The following BRWD1 variants were observed in gnomAD, a reference collection of about 807,000 sequenced individuals.
BRWD1 encodes bromodomain and WD repeat domain containing 1, also known as bromodomain and WD repeat-containing protein 1.
BRWD1 carries 82 observed loss-of-function variants against 251.2 expected under a neutral mutation model. The ratio of observed to expected loss-of-function variants is 0.33; its 90% CI spans 0.27 to 0.39. The LOEUF is 0.39. Ranked by LOEUF, BRWD1 falls within the 10% of genes least tolerant of loss-of-function variation. The pLI, the probability that BRWD1 is intolerant of heterozygous loss-of-function variation, is 1.00. For synonymous variants in BRWD1, 918 were observed against 902.8 expected (o/e 1.02, Z -0.30); for missense variants, 2,233 against 2,711.6 (o/e 0.82, Z 3.92).
intron 4 of BRWD1, among the ~76,000 whole-genome samples, chr21:39,299,352 T>A (rs1262866521): frequency 2.0e-5 from 3 of 152,174 alleles, no homozygotes; most frequent in Admixed American, 1.3e-4. Flanking sequence ...TCATTTAGTA[T>A]CTAAATCATG....
Position 39,199,087 on chromosome 21 carries a change from T to C in BRWD1, c.5329A>G (p.Thr1777Ala), listed in dbSNP as rs1327525281. Reference sequence around the variant, plus strand: ...TCTGCCTTAAGTTTCTGCACAGACGTTGATGGGCCAGCAGTTCTGTTACAT... The same window carrying C: ...TCTGCCTTAAGTTTCTGCACAGACGCTGATGGGCCAGCAGTTCTGTTACAT... ...HACNRTAGPS[T>A]SVQKLKAESI... is the part of the protein sequence containing the mutation. Residue 1777 changes from threonine (T) to alanine (A), a missense_variant, in exon 40 of 41, where the codon ACG becomes GCG. By Grantham distance (58) the Thr-to-Ala change is moderately conservative. Coordinates refer to ENST00000342449, the MANE Select transcript of BRWD1 (RefSeq NM_033656.4). 8 of 1,614,008 alleles carry C rather than the reference T, an allele frequency of 5.0e-6. No homozygotes were observed. Among genetic ancestry groups the C allele is most frequent in the Non-Finnish European group, 5.9e-6 (7 of 1,180,024 alleles).
intron 27 of BRWD1, among the ~76,000 whole-genome samples, chr21:39,227,527 G>A (rs1408796890): frequency 6.6e-6 from 1 of 151,838 alleles, no homozygotes; most frequent in Non-Finnish European, 1.5e-5. Flanking sequence ...AATCACATTC[G>A]AGTAATTTAG....
At position 39,312,833 on chromosome 21, in the gene BRWD1, A is replaced by C; in HGVS notation, c.198+8T>G. On this transcript the variant is annotated splice_region_variant and intron_variant, in intron 4 of 40. Transcript: ENST00000342449. ...AAAACCCGGGGAGCAAACGTGCCCA[A>C]TGCTCACCAACTCCTCGTAGCTCCT... The C allele has an allele frequency of 6.3e-7, 1 of 1,579,942 alleles. No individual in the cohort carries two copies. Among genetic ancestry groups the C allele is most frequent in the Non-Finnish European group, 8.6e-7 (1 of 1,162,856 alleles).
chr21:39,250,031 G>T (rs1301397865), intron 20 of BRWD1, among the ~76,000 whole-genome samples: 1 of 151,642 alleles, frequency 6.6e-6, no homozygotes. Flanking sequence ...GGAAGGTTTA[G>T]CAAGTAAGCA....
At chr21:39,278,713 A>AG in intron 10 of BRWD1, 30 bp downstream of exon 10, 1 of 1,520,836 alleles carries the variant, frequency 6.6e-7, no homozygotes, top group Non-Finnish European at 8.8e-7. Flanking sequence ...AAAAAAAAAA[A>AG]CTAAGAAAAA....
chr21:39,207,426 C>CA (rs796927190), intron 36 of BRWD1, among the ~76,000 whole-genome samples: 2,286 of 70,646 alleles, frequency 0.032, 73 homozygotes, highest in African/African-American at 0.11. Flanking sequence ...GAGACAGGCT[C>CA]AAAAAAAAAA....
intron 22 of BRWD1, 93 bp downstream of exon 22, chr21:39,238,386 G>T: frequency 1.0e-6 from 1 of 962,762 alleles, no homozygotes; most frequent in Non-Finnish European, 1.6e-6. Flanking sequence ...TTCCACAGTT[G>T]CAAATTCTTG....
At position 39,186,224 on chromosome 21, in the gene BRWD1, G is replaced by A. The variant is rs2031224447; in HGVS notation, c.*10035C>T. On this transcript the variant is annotated 3_prime_UTR_variant, in exon 41 of 41. Transcript: ENST00000342449. ...TGCCTCTTAATGAGGCACATTTTTG[G>A]CATTTCTGTAAATGCTGCTACATAC... 6.6e-6 allele frequency: 1 copy of A among 151,894 alleles called. No individual in the cohort carries two copies. Among genetic ancestry groups the A allele is most frequent in the Admixed American group, 6.6e-5 (1 of 15,258 alleles). The allele number at this position is 151,894 out of a possible 1,614,324, so 9.4% of individuals were successfully genotyped here.
chr21:39,314,226 G>T (rs2036639776), upstream of BRWD1: 3 of 455,550 alleles, frequency 6.6e-6, no homozygotes, highest in South Asian at 1.6e-5. Flanking sequence ...CGCGCTCCTG[G>T]GGCGGGGGCC....
intron 15 of BRWD1, among the ~76,000 whole-genome samples, chr21:39,268,091 A>C (rs1286209369): frequency 2.0e-5 from 3 of 152,190 alleles, no homozygotes; most frequent in Non-Finnish European, 4.4e-5. Flanking sequence ...ATGCCATTGG[A>C]AAATCTTCAA....
At chr21:39,221,393 C>T (rs1283032319) in intron 29 of BRWD1, among the ~76,000 whole-genome samples, 1 of 151,982 alleles carries the variant, frequency 6.6e-6, no homozygotes, top group African/African-American at 2.4e-5. Context: ...GCAATAATAA[C>T]TAATATTTTC....
chr21:39,245,877 C>T (rs565839936), intron 21 of BRWD1, among the ~76,000 whole-genome samples: 7 of 152,278 alleles, frequency 4.6e-5, no homozygotes, highest in Non-Finnish European at 7.4e-5. Flanking sequence ...CCTGGGATTA[C>T]AGGCATGAGC....
At chr21:39,315,713 G>A (rs941367606), upstream of BRWD1, 2 of 150,720 alleles carry the variant, frequency 1.3e-5, no homozygotes, top group Non-Finnish European at 2.9e-5. Flanking sequence ...CCTTACATCT[G>A]TTAATTCAGC....
Position 39,188,395 on chromosome 21 carries a change from C to G in BRWD1, c.*7864G>C. ...AAATAACCAGTTGATATCCTCCACC[C>G]ACACTAGACATCTGGAGGACTCCAC... On this transcript the variant is annotated 3_prime_UTR_variant, in exon 41 of 41. Coordinates refer to ENST00000342449, the MANE Select transcript of BRWD1 (RefSeq NM_033656.4). 1.0e-6 allele frequency: 1 copy of G among 985,360 alleles called. No homozygotes were observed. Among genetic ancestry groups the G allele is most frequent in the Non-Finnish European group, 1.2e-6 (1 of 829,896 alleles). The allele number at this position is 985,360 out of a possible 1,614,324, so 61.0% of individuals were successfully genotyped here.
In BRWD1 at chr21:39,202,365, C is replaced by T; in HGVS notation, c.4545G>A (p.Arg1515=). Residue 1515 remains arginine, a synonymous_variant, in exon 38 of 41, where the codon AGG becomes AGA. Coordinates refer to ENST00000342449, the MANE Select transcript of BRWD1 (RefSeq NM_033656.4). Reference sequence around the variant, plus strand: ...CATTTGTTATAGGTCTATTTCTTTTCCTCCTTTCTGATGATTCTGCTGAAT... The same window carrying T: ...CATTTGTTATAGGTCTATTTCTTTTTCTCCTTTCTGATGATTCTGCTGAAT... ...SSDSAESSER[R]KRNRPITNGS... is the part of the protein sequence containing the mutation. 6.2e-7 allele frequency: 1 copy of T among 1,613,694 alleles called. No homozygotes were observed. Among genetic ancestry groups the T allele is most frequent in the Non-Finnish European group, 8.5e-7 (1 of 1,179,684 alleles).
intron 16 of BRWD1, 82 bp from the exon 17 acceptor site, chr21:39,264,767 T>C: frequency 1.3e-6 from 2 of 1,498,782 alleles, no homozygotes; most frequent in South Asian, 2.5e-5. Flanking sequence ...TAATTAAAAC[T>C]AGAAAAACAA....
upstream of BRWD1, chr21:39,315,833 C>T (rs1288206999): frequency 3.3e-5 from 5 of 151,784 alleles, no homozygotes; most frequent in African/African-American, 1.2e-4. Context: ...AATAATGACA[C>T]GATTTAGGGC....
chr21:39,216,368 TAA>T (rs2032892944), intron 31 of BRWD1, among the ~76,000 whole-genome samples: 2 of 146,452 alleles, frequency 1.4e-5, no homozygotes, highest in Non-Finnish European at 2.9e-5. Flanking sequence ...AGAAAAAAAA[TAA>T]AGTTATCTAA....
At chr21:39,284,058 A>C (rs2035555103) in intron 8 of BRWD1, among the ~76,000 whole-genome samples, 2 of 152,200 alleles carry the variant, frequency 1.3e-5, no homozygotes, top group Admixed American at 1.3e-4. Context: ...TCATGAGCTT[A>C]AGAACGTCTA....
Sources: allele counts gnomAD v4.1 joint callset (sites outside exome capture counted in the v4.1 genomes callset), GRCh38; gene constraint gnomAD v4.1.1; transcripts MANE v1.5; gene names NCBI Gene and HGNC (gene_info 2026-07-23, HGNC 2026-07-21).